KCNT2: variants seen among roughly 807,000 people sequenced by gnomAD.
KCNT2 encodes potassium channel subfamily T member 2.
KCNT2 carries 67 observed loss-of-function variants against 153.8 expected under a neutral mutation model. The observed-to-expected ratio is 0.44, with a 90% CI of 0.36 to 0.53. The LOEUF (loss-of-function observed/expected upper bound fraction) is 0.53. KCNT2 is among the 20% of genes least tolerant of loss of function. KCNT2 has a pLI of 0.00. For synonymous variants in KCNT2, 500 were observed against 458.8 expected, an observed-to-expected ratio of 1.09 and a Z score of -1.15; for missense variants, 975 against 1,354.8, an observed-to-expected ratio of 0.72 and a Z score of 4.40.
intron 27 of KCNT2, among the ~76,000 whole-genome samples, chr1:196,230,301 T>C (rs1416860396): frequency 6.6e-6 from 1 of 151,924 alleles, no homozygotes; most frequent in Non-Finnish European, 1.5e-5. Context: ...GCTCCAGAAA[T>C]GGAAAAACAA....
chr1:196,235,901 G>T, intron 27 of KCNT2, 85 bp downstream of exon 27: 7 of 760,674 alleles, frequency 9.2e-6, no homozygotes, highest in Non-Finnish European at 1.3e-5. Context: ...AAAATAAGAG[G>T]CTATTATGGC....
intron 1 of KCNT2, chr1:196,582,352 G>A (rs1020437912): frequency 6.5e-6 from 1 of 153,524 alleles, no homozygotes; most frequent in Non-Finnish European, 1.5e-5. Flanking sequence ...AATGTTATAT[G>A]CATGTTCTCT....
At chr1:196,443,230 T>C (rs1675397102) in intron 8 of KCNT2, among the ~76,000 whole-genome samples, 1 of 151,600 alleles carries the variant, frequency 6.6e-6, no homozygotes, top group Non-Finnish European at 1.5e-5. Flanking sequence ...GTTTGAGGAA[T>C]CTAAGAGGAA....
intron 25 of KCNT2, among the ~76,000 whole-genome samples, chr1:196,265,238 T>G (rs1372844794): frequency 1.3e-5 from 2 of 152,188 alleles, no homozygotes; most frequent in African/African-American, 4.8e-5. Flanking sequence ...TGTTTTGCCT[T>G]GTTAATTTGT....
intron 1 of KCNT2, among the ~76,000 whole-genome samples, chr1:196,592,522 A>G (rs1663494611): frequency 6.8e-6 from 1 of 147,576 alleles, no homozygotes; most frequent in African/African-American, 2.5e-5. Flanking sequence ...ATATATTAAT[A>G]TATAACTTTC....
At chr1:196,560,845 C>T (rs1288375870) in intron 1 of KCNT2, among the ~76,000 whole-genome samples, 11 of 151,866 alleles carry the variant, frequency 7.2e-5, no homozygotes, top group African/African-American at 1.9e-4. Flanking sequence ...TATAAAGTCC[C>T]GTACCTAGTT....
intron 8 of KCNT2, among the ~76,000 whole-genome samples, chr1:196,436,390 TACAC>T (rs538356270): frequency 1.4e-3 from 205 of 151,708 alleles, no homozygotes; most frequent in African/African-American, 4.5e-3. Context: ...GACAGGTAGA[TACAC>T]AGACAGTTGA....
intron 25 of KCNT2, among the ~76,000 whole-genome samples, chr1:196,263,897 C>G (rs1173075870): frequency 6.6e-6 from 1 of 152,096 alleles, no homozygotes; most frequent in Non-Finnish European, 1.5e-5. Context: ...TACACATTAA[C>G]TTGCACATTT....
intron 5 of KCNT2, among the ~76,000 whole-genome samples, chr1:196,476,713 C>T (rs1466086057): frequency 2.6e-5 from 4 of 152,144 alleles, no homozygotes; most frequent in African/African-American, 9.7e-5. Context: ...TTACTTACTT[C>T]TTACTTATTA....
intron 1 of KCNT2, among the ~76,000 whole-genome samples, chr1:196,593,985 AACACAC>A (rs149233796): frequency 6.6e-6 from 1 of 151,368 alleles, no homozygotes. Flanking sequence ...ACAGAAGACC[AACACAC>A]ACACACACAT....
chr1:196,496,342 C>A (rs1680252578), intron 1 of KCNT2, among the ~76,000 whole-genome samples: 1 of 151,850 alleles, frequency 6.6e-6, no homozygotes, highest in Non-Finnish European at 1.5e-5. Context: ...GTGGTGGGCA[C>A]CTGCAGTCCC....
intron 18 of KCNT2, among the ~76,000 whole-genome samples, chr1:196,330,032 T>G (rs1376355148): frequency 1.4e-5 from 2 of 142,052 alleles, no homozygotes; most frequent in Non-Finnish European, 3.0e-5. Context: ...CAGAATCTCA[T>G]TTGAATGAAA....
At chr1:196,301,889 A>C (rs1661216846) in intron 22 of KCNT2, among the ~76,000 whole-genome samples, 2 of 151,954 alleles carry the variant, frequency 1.3e-5, no homozygotes, top group Admixed American at 6.6e-5. Flanking sequence ...ACAGGTGCAC[A>C]CCACCAGGCC....
At chr1:196,553,387 G>A (rs1015153337) in intron 1 of KCNT2, among the ~76,000 whole-genome samples, 1 of 151,016 alleles carries the variant, frequency 6.6e-6, no homozygotes, top group Non-Finnish European at 1.5e-5. Context: ...ACCCCGATAT[G>A]TAAGGCAAAA....
chr1:196,256,048 C>T (rs1656455183), intron 26 of KCNT2, among the ~76,000 whole-genome samples: 1 of 151,908 alleles, frequency 6.6e-6, no homozygotes, highest in Admixed American at 6.6e-5. Context: ...TCCACTATTT[C>T]ATAGTTGAGT....
intron 1 of KCNT2, among the ~76,000 whole-genome samples, chr1:196,558,254 G>A (rs1658932117): frequency 6.6e-6 from 1 of 151,354 alleles, no homozygotes; most frequent in Non-Finnish European, 1.5e-5. Context: ...ATGAAAATAT[G>A]CACATTCAAA....
chr1:196,397,899 A>G (rs1214567366), intron 13 of KCNT2, among the ~76,000 whole-genome samples: 1 of 151,470 alleles, frequency 6.6e-6, no homozygotes, highest in African/African-American at 2.4e-5. Context: ...ATTGTGGGGA[A>G]AACGTGCACT....
chr1:196,587,972 T>C (rs1251595651), intron 1 of KCNT2, among the ~76,000 whole-genome samples: 1 of 152,068 alleles, frequency 6.6e-6, no homozygotes, highest in Non-Finnish European at 1.5e-5. Context: ...GCTGGCTCAA[T>C]GCCTGCCTGG....
chr1:196,387,023 A>G (rs892804187), intron 13 of KCNT2, among the ~76,000 whole-genome samples: 2 of 152,124 alleles, frequency 1.3e-5, no homozygotes, highest in African/African-American at 4.8e-5. Context: ...TTAGGTGAAT[A>G]ACAATCTCAC....
Sources: allele counts gnomAD v4.1 joint callset (sites outside exome capture counted in the v4.1 genomes callset), GRCh38; gene constraint gnomAD v4.1.1; transcripts MANE v1.5; gene names NCBI Gene and HGNC (gene_info 2026-07-23, HGNC 2026-07-21).